The following SLC4A4 variants were observed in gnomAD, a reference collection of about 807,000 sequenced individuals.
SLC4A4 encodes the protein solute carrier family 4 member 4, also known as electrogenic sodium bicarbonate cotransporter 1.
SLC4A4 carries 27 observed loss-of-function variants against 111.5 expected under a neutral mutation model. The observed-to-expected ratio is 0.24, with a 90% CI of 0.18 to 0.33. SLC4A4 has a LOEUF of 0.33. SLC4A4 is among the 10% of genes least tolerant of loss of function. SLC4A4 has a pLI of 1.00. For missense variants in SLC4A4, 909 were observed against 1,315.5 expected (o/e 0.69, Z 4.78); for synonymous variants, 443 against 463.4 (o/e 0.96, Z 0.57).
intron 12 of SLC4A4, among the ~76,000 whole-genome samples, chr4:71,456,364 T>C (rs1726272078): frequency 6.6e-6 from 1 of 152,198 alleles, no homozygotes. Context: ...TGACTATGAA[T>C]TTAAATTTGT....
intron 3 of SLC4A4, among the ~76,000 whole-genome samples, chr4:71,290,661 A>G (rs1008196266): frequency 6.6e-6 from 1 of 152,224 alleles, no homozygotes; most frequent in African/African-American, 2.4e-5. Context: ...CTGGGTTTTC[A>G]ATATTTCAAG....
chr4:71,526,578 A>G (rs980917122), intron 16 of SLC4A4, among the ~76,000 whole-genome samples: 1 of 152,086 alleles, frequency 6.6e-6, no homozygotes, highest in African/African-American at 2.4e-5. Flanking sequence ...ATCATATTAT[A>G]CGTATCATTA....
At chr4:71,264,208 A>G (rs1722074046) in intron 3 of SLC4A4, among the ~76,000 whole-genome samples, 1 of 152,176 alleles carries the variant, frequency 6.6e-6, no homozygotes, top group Admixed American at 6.5e-5. Context: ...TGATTCTGAA[A>G]CAAGAGCATA....
intron 2 of SLC4A4, among the ~76,000 whole-genome samples, chr4:71,176,591 C>G (rs1247741458): frequency 1.3e-5 from 2 of 151,888 alleles, no homozygotes; most frequent in Non-Finnish European, 2.9e-5. Context: ...GATGGAAGCT[C>G]AAATGAATGA....
intron 6 of SLC4A4, among the ~76,000 whole-genome samples, chr4:71,363,993 A>G (rs551806778): frequency 2.0e-5 from 3 of 152,352 alleles, no homozygotes; most frequent in East Asian, 3.9e-4. Context: ...CTCCAGGCAG[A>G]TGACTGATTT....
At chr4:71,553,154 A>G (rs1736181679) in intron 20 of SLC4A4, among the ~76,000 whole-genome samples, 1 of 151,906 alleles carries the variant, frequency 6.6e-6, no homozygotes, top group South Asian at 2.1e-4. Context: ...GCCCAAAGTC[A>G]ACTTAATAGC....
chr4:71,560,974 G>A (rs771836831), intron 23 of SLC4A4, among the ~76,000 whole-genome samples: 10 of 151,714 alleles, frequency 6.6e-5, no homozygotes, highest in Non-Finnish European at 1.3e-4. Flanking sequence ...TCTGTAATCA[G>A]TACTAGGAGG....
intron 2 of SLC4A4, among the ~76,000 whole-genome samples, chr4:71,158,334 G>A (rs1252830071): frequency 6.6e-6 from 1 of 152,056 alleles, no homozygotes; most frequent in Non-Finnish European, 1.5e-5. Context: ...CACTGGCAAG[G>A]AAACCAACTA....
At chr4:71,303,867 T>G (rs1393576192) in intron 3 of SLC4A4, among the ~76,000 whole-genome samples, 1 of 151,862 alleles carries the variant, frequency 6.6e-6, no homozygotes, top group Non-Finnish European at 1.5e-5. Flanking sequence ...CACTGACACT[T>G]GCCTGCATCT....
At chr4:71,173,800 T>C (rs1745010170) in intron 2 of SLC4A4, among the ~76,000 whole-genome samples, 2 of 152,048 alleles carry the variant, frequency 1.3e-5, no homozygotes. Context: ...TGTATGAAAA[T>C]GTAGGGAGTT....
At chr4:71,408,114 ACTTTTTTATTATATCAGT>A (rs1721039844) in intron 7 of SLC4A4, among the ~76,000 whole-genome samples, 1 of 152,208 alleles carries the variant, frequency 6.6e-6, no homozygotes, top group East Asian at 1.9e-4. Flanking sequence ...CATAGATTAT[ACTTTTTTATTATATCAGT>A]CTTTTTTCAC....
chr4:71,175,194 A>AT (rs1745051279), intron 2 of SLC4A4, among the ~76,000 whole-genome samples: 1 of 152,240 alleles, frequency 6.6e-6, no homozygotes, highest in African/African-American at 2.4e-5. Flanking sequence ...CACAGTTAAA[A>AT]TTTTTAAAAA....
At chr4:71,093,123 T>C (rs1035504918) in intron 2 of SLC4A4, among the ~76,000 whole-genome samples, 12 of 151,518 alleles carry the variant, frequency 7.9e-5, no homozygotes, top group African/African-American at 2.9e-4. Flanking sequence ...AAGTCATATA[T>C]GGCAAAAACC....
chr4:71,301,525 A>T (rs1423505442), intron 3 of SLC4A4, among the ~76,000 whole-genome samples: 1 of 152,198 alleles, frequency 6.6e-6, no homozygotes, highest in Non-Finnish European at 1.5e-5. Flanking sequence ...GAAAAAATGG[A>T]TGACAGCCAG....
intron 1 of SLC4A4, among the ~76,000 whole-genome samples, chr4:71,227,902 C>A (rs542082519): frequency 6.6e-6 from 1 of 152,250 alleles, no homozygotes; most frequent in Non-Finnish European, 1.5e-5. Flanking sequence ...GTTGGAAGGA[C>A]AAAGTATTTG....
At chr4:71,239,775 T>G (rs941890573) in intron 2 of SLC4A4, among the ~76,000 whole-genome samples, 2 of 152,222 alleles carry the variant, frequency 1.3e-5, no homozygotes, top group Non-Finnish European at 2.9e-5. Context: ...ATCTTTAAAA[T>G]AAATAGAAGC....
rs1553898924 is a variant in SLC4A4 at position 71,366,354 on chromosome 4, T to TGG, written c.730+9168_730+9169insGG. 6.9e-4 allele frequency among the ~76,000 whole-genome samples: 104 copies of TGG among 151,770 alleles called. 1 individual carries two copies. Among genetic ancestry groups the TGG allele is most frequent in the South Asian group, 2.5e-3 (12 of 4,774 alleles). Reference sequence around the variant, plus strand: ...GTGTGTGTGTGTGTGTGTGTGTGTGTGTATCTATTTGCTTGATTCAAAAAG... The same window carrying TGG: ...GTGTGTGTGTGTGTGTGTGTGTGTGTGGGTATCTATTTGCTTGATTCAAAAAG... On this transcript the variant is annotated intron_variant, in intron 6 of 25. Transcript: ENST00000264485.
chr4:71,290,350 A>G (rs1244381114), intron 3 of SLC4A4, among the ~76,000 whole-genome samples: 3 of 152,192 alleles, frequency 2.0e-5, no homozygotes, highest in African/African-American at 7.2e-5. Context: ...GGCAAAAAGT[A>G]TAGTCAGCAA....
At chr4:71,422,176 A>G (rs1367748200) in intron 7 of SLC4A4, among the ~76,000 whole-genome samples, 3 of 143,032 alleles carry the variant, frequency 2.1e-5, no homozygotes, top group Admixed American at 2.1e-4. Context: ...TCCCACAGAA[A>G]TACAAACTAC....
Sources: allele counts gnomAD v4.1 joint callset (sites outside exome capture counted in the v4.1 genomes callset), GRCh38; gene constraint gnomAD v4.1.1; transcripts MANE v1.5; gene names NCBI Gene and HGNC (gene_info 2026-07-23, HGNC 2026-07-21).